The following CCDC7 variants were observed in gnomAD, a reference collection of about 807,000 sequenced individuals.
The protein encoded by CCDC7 is coiled-coil domain-containing protein 7.
In CCDC7, 183 loss-of-function variants were observed where a neutral mutation model predicts 196.9. The ratio of observed to expected loss-of-function variants is 0.93; its 90% CI spans 0.82 to 1.05. CCDC7 has a LOEUF of 1.05. Among genes scored for constraint, CCDC7 ranks in the 50% least tolerant of loss-of-function variants. CCDC7 has a pLI of 0.00. For synonymous variants in CCDC7, 525 were observed against 484.6 expected (o/e 1.08, Z -1.10); for missense variants, 1,540 against 1,482.2 (o/e 1.04, Z -0.64).
At chr10:32,504,671 T>C (rs950049414) in intron 9 of CCDC7, among the ~76,000 whole-genome samples, 2 of 152,250 alleles carry the variant, frequency 1.3e-5, no homozygotes, top group Non-Finnish European at 2.9e-5. Context: ...ACTCATCATT[T>C]GTTTAGGAGT....
intron 41 of CCDC7, among the ~76,000 whole-genome samples, chr10:32,859,837 C>T (rs1164237466): frequency 6.6e-6 from 1 of 152,204 alleles, no homozygotes; most frequent in Non-Finnish European, 1.5e-5. Context: ...TTCCTGTACA[C>T]ATACACCCTC....
At chr10:32,573,454 A>G (rs893760912) in intron 16 of CCDC7, among the ~76,000 whole-genome samples, 2 of 152,222 alleles carry the variant, frequency 1.3e-5, no homozygotes, top group South Asian at 2.1e-4. Context: ...TCTGGTCTCT[A>G]TGAAGACATG....
At chr10:32,846,559 G>C (rs559842296) in intron 37 of CCDC7, 100 bp downstream of exon 38, 149 of 649,942 alleles carry the variant, frequency 2.3e-4, no homozygotes, top group African/African-American at 2.2e-3. Context: ...CTACATGTTA[G>C]TGTTACATAG....
chr10:32,518,397 T>G lies in CCDC7; in HGVS notation c.904-19T>G, dbSNP rs192903502. 154 of 1,567,464 alleles carry G rather than the reference T, an allele frequency of 9.8e-5. 2 individuals are homozygous for G. In the East Asian group the frequency reaches 3.3e-3, roughly 34 times the overall value. The stretch of plus-strand genomic sequence containing the variant: ...TGAGAGTTTTACTCTTCATTATTAC[T>G]AAAATTATTTGTTTTTAGGAATACA... On this transcript the variant is annotated intron_variant, in intron 10 of 41. Coordinates refer to ENST00000639629, the Ensembl canonical transcript of CCDC7.
At chr10:32,537,575 A>G (rs1589649812) in intron 11 of CCDC7, among the ~76,000 whole-genome samples, 3 of 152,170 alleles carry the variant, frequency 2.0e-5, no homozygotes, top group East Asian at 3.8e-4. Flanking sequence ...GCCAAGTCCT[A>G]TGTCCAGAAT....
chr10:32,835,384 C>T (rs1286021214), intron 33 of CCDC7, among the ~76,000 whole-genome samples: 1 of 151,888 alleles, frequency 6.6e-6, no homozygotes, highest in African/African-American at 2.4e-5. Context: ...AACCTTTACC[C>T]TTATGTAATG....
At chr10:32,630,859 G>C (rs1278492353) in intron 18 of CCDC7, among the ~76,000 whole-genome samples, 1 of 152,136 alleles carries the variant, frequency 6.6e-6, no homozygotes, top group Non-Finnish European at 1.5e-5. Flanking sequence ...TCTTCTTCCA[G>C]TCAGGAAATG....
intron 18 of CCDC7, among the ~76,000 whole-genome samples, chr10:32,617,169 ATCTTGTCTCT>A (rs2138992502): frequency 6.6e-6 from 1 of 151,532 alleles, no homozygotes; most frequent in South Asian, 2.1e-4. Flanking sequence ...ATTTATTGAG[ATCTTGTCTCT>A]TCTTTTCTTG....
chr10:32,805,016 G>C (rs1461476550), exon 30 of CCDC7: 1 of 1,592,480 alleles, frequency 6.3e-7, no homozygotes, highest in Non-Finnish European at 8.6e-7. Flanking sequence ...TTTCTATAGA[G>C]ACTGATATAG....
intron 9 of CCDC7, chr10:32,514,491 C>G (rs912324920): frequency 2.0e-5 from 3 of 152,130 alleles, no homozygotes; most frequent in Admixed American, 6.5e-5. Context: ...GTTTCCTTCC[C>G]CAGATATTTC....
Position 32,583,310 on chromosome 10 carries a change from AT to A in CCDC7, c.1728+4del. 1 of 1,227,188 alleles carries A rather than the reference AT, an allele frequency of 8.1e-7. No individual in the cohort carries two copies. Among genetic ancestry groups the A allele is most frequent in the Non-Finnish European group, 1.0e-6 (1 of 983,636 alleles). 76.0% of individuals were successfully genotyped at this position (1,227,188 alleles called of 1,614,324 possible). Reference sequence around the variant, plus strand: ...CTGTTCTTACAGAAAGTAAAAAGGTATGATATATATAGAAACTTGAAAGCTG... The same window carrying A: ...CTGTTCTTACAGAAAGTAAAAAGGTAGATATATATAGAAACTTGAAAGCTG... On this transcript the variant is annotated splice_donor_region_variant and intron_variant, in intron 17 of 41. Coordinates refer to ENST00000639629, the Ensembl canonical transcript of CCDC7.
chr10:32,811,768 A>C (rs1332039582), intron 30 of CCDC7, among the ~76,000 whole-genome samples: 1 of 152,144 alleles, frequency 6.6e-6, no homozygotes, highest in Non-Finnish European at 1.5e-5. Context: ...GGACATAAAA[A>C]AATAAAAGTA....
chr10:32,553,497 T>C (rs2053838289), intron 13 of CCDC7, among the ~76,000 whole-genome samples: 1 of 152,168 alleles, frequency 6.6e-6, no homozygotes, highest in Non-Finnish European at 1.5e-5. Context: ...AGCCTTGTTT[T>C]GTCATATTTC....
chr10:32,828,989 A>G (rs2091807151), intron 32 of CCDC7, among the ~76,000 whole-genome samples: 1 of 152,166 alleles, frequency 6.6e-6, no homozygotes, highest in South Asian at 2.1e-4. Context: ...CCACATGGAC[A>G]CTTTGGGCTC....
At chr10:32,585,339 C>T (rs1308050611) in intron 18 of CCDC7, among the ~76,000 whole-genome samples, 1 of 152,164 alleles carries the variant, frequency 6.6e-6, no homozygotes, top group Non-Finnish European at 1.5e-5. Flanking sequence ...TCCCAAAGTG[C>T]TGGGATTACA....
At chr10:32,858,760 G>T (rs1016467466) in intron 41 of CCDC7, among the ~76,000 whole-genome samples, 2 of 152,016 alleles carry the variant, frequency 1.3e-5, no homozygotes, top group African/African-American at 4.8e-5. Flanking sequence ...AAAAAAACCA[G>T]GGATTGCAAT....
chr10:32,617,715 G>A (rs1185177713), intron 18 of CCDC7, among the ~76,000 whole-genome samples: 3 of 151,886 alleles, frequency 2.0e-5, no homozygotes, highest in Non-Finnish European at 4.4e-5. Context: ...GCTTTAACAT[G>A]GTCTACCTTG....
intron 28 of CCDC7, among the ~76,000 whole-genome samples, chr10:32,747,933 T>C (rs147155977): frequency 3.9e-4 from 59 of 152,310 alleles, no homozygotes; most frequent in African/African-American, 1.3e-3. Flanking sequence ...CACAGCACTA[T>C]TGACAATAGC....
chr10:32,551,009 C>A lies in CCDC7; in HGVS notation c.1134+6708C>A, dbSNP rs910579570. On this transcript the variant is annotated intron_variant, in intron 13 of 41. Coordinates refer to ENST00000639629, the Ensembl canonical transcript of CCDC7. ...TCTTTGAACGTCTGGTAGAATTCTG[C>A]TGTGAATCCATCTGGTCCTGGCCCT... Among the ~76,000 whole-genome samples, 3 of 152,116 alleles carry A rather than the reference C, an allele frequency of 2.0e-5. No homozygotes were observed. The South Asian group carries it at 6.2e-4, about 32-fold the overall frequency.
Sources: allele counts gnomAD v4.1 joint callset (sites outside exome capture counted in the v4.1 genomes callset), GRCh38; gene constraint gnomAD v4.1.1; transcripts MANE v1.5; gene names NCBI Gene and HGNC (gene_info 2026-07-23, HGNC 2026-07-21).